The following MTMR8 variants were observed in gnomAD, a reference collection of about 807,000 sequenced individuals.
MTMR8 encodes myotubularin related protein 8, also known as phosphatidylinositol-3,5-bisphosphate 3-phosphatase MTMR8.
In MTMR8, 65 loss-of-function variants were observed where a neutral mutation model predicts 39.3. The ratio of observed to expected loss-of-function variants is 1.65; its 90% CI spans 1.35 to 2.03. The LOEUF is 2.03. MTMR8 is among the 30% of genes most tolerant of loss of function. The probability of loss-of-function intolerance (pLI) is 0.00; values close to 1 mark genes in which losing one functional copy is unlikely to be tolerated. For missense variants in MTMR8, 777 were observed against 538.9 expected (o/e 1.44, Z -4.37); for synonymous variants, 245 against 185.2 (o/e 1.32, Z -2.62).
chrX:64,274,465 G>A (rs993575589), intron 12 of MTMR8, among the ~76,000 whole-genome samples: 2 of 112,071 alleles, frequency 1.8e-5, no homozygotes, highest in Non-Finnish European at 3.8e-5. Flanking sequence ...GTATTAAGAA[G>A]GAAATTTATT....
intron 1 of MTMR8, among the ~76,000 whole-genome samples, chrX:64,366,276 T>C (rs1007000826): frequency 8.9e-6 from 1 of 111,804 alleles, no homozygotes; most frequent in Non-Finnish European, 1.9e-5. Context: ...TCTACAGCAC[T>C]ATCCACCCCA....
Position 64,312,787 on chromosome X carries a change from C to T in MTMR8, c.1481+15985G>A, listed in dbSNP as rs148602875. Among the ~76,000 whole-genome samples, 894 of 112,176 alleles carry T rather than the reference C, an allele frequency of 8.0e-3. 3 individuals are homozygous for T. Among genetic ancestry groups the T allele is most frequent in the Non-Finnish European group, 0.012 (665 of 53,235 alleles). On this transcript the variant is annotated intron_variant, in intron 12 of 13. Transcript: ENST00000374852. ...GGCTGCAGAATGGATATTATGTTAG[C>T]GGCCATGAAAACATTCATCTGCATG...
intron 6 of MTMR8, 117 bp from the exon 7 acceptor site, chrX:64,345,294 A>C: frequency 4.2e-6 from 3 of 720,861 alleles, no homozygotes; most frequent in Non-Finnish European, 6.0e-6. Context: ...AAAAGAAGTT[A>C]AATCAGATGA....
intron 12 of MTMR8, among the ~76,000 whole-genome samples, chrX:64,311,585 A>G (rs1181970075): frequency 9.0e-6 from 1 of 111,361 alleles, no homozygotes; most frequent in Non-Finnish European, 1.9e-5. Context: ...TATGTCCTGA[A>G]TAGTACTGCC....
At chrX:64,300,506 C>A (rs1419950780) in intron 12 of MTMR8, among the ~76,000 whole-genome samples, 1 of 109,697 alleles carries the variant, frequency 9.1e-6, no homozygotes, top group Non-Finnish European at 1.9e-5. Context: ...ATACAGCACA[C>A]TGATGGGTCT....
intron 12 of MTMR8, among the ~76,000 whole-genome samples, chrX:64,314,000 T>C (rs983972944): frequency 9.8e-5 from 11 of 112,032 alleles, no homozygotes; most frequent in African/African-American, 3.6e-4. Flanking sequence ...TGGCAAAAGG[T>C]GGGTTCAGTT....
At chrX:64,391,937 TAAA>T (rs1924699843) in intron 1 of MTMR8, among the ~76,000 whole-genome samples, 1 of 112,065 alleles carries the variant, frequency 8.9e-6, no homozygotes, top group Admixed American at 9.5e-5. Flanking sequence ...GTTAATTGCA[TAAA>T]GCCTTATTAT....
intron 1 of MTMR8, among the ~76,000 whole-genome samples, chrX:64,377,790 C>T (rs1171541108): frequency 9.0e-6 from 1 of 111,572 alleles, no homozygotes; most frequent in South Asian, 3.8e-4. Flanking sequence ...TTGGGACGGG[C>T]CAGGGTGGAA....
chrX:64,365,153 C>T (rs1053969311), intron 1 of MTMR8, among the ~76,000 whole-genome samples: 9 of 111,179 alleles, frequency 8.1e-5, no homozygotes, highest in African/African-American at 1.3e-4. Context: ...CTGAAAGTGA[C>T]GGGGAGAATG....
Position 64,328,811 on chromosome X carries a change from T to C in MTMR8, c.1442A>G (p.Tyr481Cys). 8.3e-7 allele frequency: 1 copy of C among 1,200,157 alleles called. No individual in the cohort carries two copies. Among genetic ancestry groups the C allele is most frequent in the Non-Finnish European group, 1.1e-6 (1 of 890,661 alleles). The change falls in exon 12 of 14, where the codon TAT (tyrosine) becomes TGT (cysteine). Residue 481 changes from tyrosine to cysteine, a missense_variant. By Grantham distance (194) the Tyr-to-Cys change is radical. Transcript: ENST00000374852. ...RNPLYKGFTM[Y>C]GVLNPSTVPY... ...CACAGTACTAGGATTGAGTACCCCA[T>C]ACATAGTGAAGCCTTTATAGAGAGG...
intron 5 of MTMR8, among the ~76,000 whole-genome samples, chrX:64,349,716 C>T (rs1923437265): frequency 1.8e-5 from 2 of 111,799 alleles, no homozygotes; most frequent in South Asian, 7.4e-4. Flanking sequence ...AAGAAATAAA[C>T]ATACTAAAAT....
At chrX:64,277,789 G>A (rs1931912499) in intron 12 of MTMR8, among the ~76,000 whole-genome samples, 1 of 111,183 alleles carries the variant, frequency 9.0e-6, no homozygotes, top group African/African-American at 3.3e-5. Context: ...TTGCTAGGTT[G>A]GGGAAGTTCT....
At chrX:64,321,127 T>C (rs1922632606) in intron 12 of MTMR8, among the ~76,000 whole-genome samples, 1 of 111,192 alleles carries the variant, frequency 9.0e-6, no homozygotes, top group Non-Finnish European at 1.9e-5. Flanking sequence ...ATATTGAAAC[T>C]ACCCAGTTTT....
chrX:64,336,097 C>T lies in MTMR8; in HGVS notation c.1133G>A (p.Gly378Asp). The T allele has an allele frequency of 8.4e-7, 1 of 1,194,893 alleles. No individual in the cohort carries two copies. Among genetic ancestry groups the T allele is most frequent in the Admixed American group, 2.2e-5 (1 of 44,484 alleles). ...ILIEKEWISM[G>D]HKFSQRCGHL... ...TTTTTACCTTTGGGAAAACTTGTGGCCCATGGATATCCATTCCTTCTCTAT... is the reference window on the plus strand; with the variant it reads ...TTTTTACCTTTGGGAAAACTTGTGGTCCATGGATATCCATTCCTTCTCTAT... Residue 378 changes from glycine to aspartate, a missense_variant, in exon 10 of 14, where the codon GGC becomes GAC. Transcript: ENST00000374852.
intron 12 of MTMR8, among the ~76,000 whole-genome samples, chrX:64,288,711 C>A (rs905040853): frequency 5.4e-5 from 6 of 111,352 alleles, no homozygotes; most frequent in Non-Finnish European, 1.1e-4. Flanking sequence ...AGTTCATGTC[C>A]TTTGCAGGGA....
chrX:64,343,469 C>T (rs997629552), intron 8 of MTMR8, 142 bp downstream of exon 8: 8 of 406,763 alleles, frequency 2.0e-5, no homozygotes, highest in African/African-American at 1.5e-4. Flanking sequence ...AGAGACTTGC[C>T]CAAGGGCACA....
At chrX:64,382,368 G>A (rs1446122211) in intron 1 of MTMR8, among the ~76,000 whole-genome samples, 1 of 111,260 alleles carries the variant, frequency 9.0e-6, no homozygotes. Context: ...TGAAGCAATT[G>A]TGAATGGGAG....
rs780556443 is a variant in MTMR8 at position 64,367,259 on chromosome X, T to G, written c.25-7732A>C. On this transcript the variant is annotated intron_variant, in intron 1 of 13. Coordinates refer to ENST00000374852, the MANE Select transcript of MTMR8 (RefSeq NM_017677.4). The stretch of plus-strand genomic sequence containing the variant: ...AGGGAATCCTCCCTAACTCATTTTA[T>G]GAGGCCAGCATCATCCTGATAACAA... Among the ~76,000 whole-genome samples, 19 of 112,179 alleles carry G rather than the reference T, an allele frequency of 1.7e-4. No individual in the cohort carries two copies. The East Asian group carries it at 5.3e-3, about 31-fold the overall frequency.
chrX:64,289,745 C>G (rs1921335525), intron 12 of MTMR8, among the ~76,000 whole-genome samples: 1 of 107,720 alleles, frequency 9.3e-6, no homozygotes, highest in South Asian at 3.9e-4. Context: ...AATGAGGAAG[C>G]AACCCAACGT....
Sources: gnomAD v4.1 joint callset for allele counts (sites outside exome capture counted in the v4.1 genomes callset) on GRCh38, gnomAD v4.1.1 for gene constraint, MANE v1.5 for transcripts, NCBI Gene and HGNC (gene_info 2026-07-23, HGNC 2026-07-21) for gene names.